The following LHFPL3 variants were observed in gnomAD, a reference collection of about 807,000 sequenced individuals.
The protein encoded by LHFPL3 is LHFPL tetraspan subfamily member 3.
Under a neutral mutation model 19.3 loss-of-function variants are expected in LHFPL3, and 5 were observed. The observed-to-expected ratio is 0.26, with a 90% CI of 0.14 to 0.54. The LOEUF is 0.54. Ranked by LOEUF, LHFPL3 falls within the 20% of genes least tolerant of loss-of-function variation. The pLI is 0.94. For synonymous variants in LHFPL3, 133 were observed against 126.2 expected, an observed-to-expected ratio of 1.05 and a Z score of -0.36; for missense variants, 249 against 307.4, an observed-to-expected ratio of 0.81 and a Z score of 1.42.
Position 104,494,782 on chromosome 7 carries a change from C to T in LHFPL3, c.445+165558C>T, listed in dbSNP as rs561821270. Among the ~76,000 whole-genome samples the T allele has an allele frequency of 1.4e-4, 21 of 152,186 alleles. No individual in the cohort carries two copies. In the South Asian group the frequency reaches 2.3e-3, roughly 17 times the overall value. On this transcript the variant is annotated intron_variant, in intron 1 of 2. Transcript: ENST00000424859. ...TCTTGGTAAATAGGAAAAGACTTGG[C>T]GACAGATAGTCCTGGCAGCTCCTCA...
At chr7:104,386,608 C>A (rs140325881) in intron 1 of LHFPL3, among the ~76,000 whole-genome samples, 120 of 152,326 alleles carry the variant, frequency 7.9e-4, no homozygotes, top group African/African-American at 2.8e-3. Flanking sequence ...AACCTTGAGT[C>A]TCTGCAAAAG....
At chr7:104,348,449 T>C (rs1283837415) in intron 1 of LHFPL3, among the ~76,000 whole-genome samples, 1 of 152,246 alleles carries the variant, frequency 6.6e-6, no homozygotes, top group African/African-American at 2.4e-5. Context: ...AACAAACTTG[T>C]TTATGTTTTA....
At chr7:104,828,819 G>C (rs959910700) in intron 2 of LHFPL3, among the ~76,000 whole-genome samples, 2 of 151,866 alleles carry the variant, frequency 1.3e-5, no homozygotes, top group African/African-American at 4.9e-5. Context: ...TGGATCACTT[G>C]AGGTCAGGAG....
At chr7:104,890,107 T>A (rs952358264) in intron 2 of LHFPL3, among the ~76,000 whole-genome samples, 2 of 152,182 alleles carry the variant, frequency 1.3e-5, no homozygotes, top group African/African-American at 4.8e-5. Context: ...GAGACCAGCC[T>A]GGCTACATAG....
chr7:104,353,174 C>A (rs1047270404), intron 1 of LHFPL3, among the ~76,000 whole-genome samples: 4 of 152,048 alleles, frequency 2.6e-5, no homozygotes, highest in African/African-American at 7.2e-5. Context: ...ACAACAACAA[C>A]AAAAAAGCCA....
At chr7:104,497,274 T>G (rs1257767177) in intron 1 of LHFPL3, among the ~76,000 whole-genome samples, 3 of 145,412 alleles carry the variant, frequency 2.1e-5, no homozygotes, top group Non-Finnish European at 3.0e-5. Context: ...AAGATTCATA[T>G]GTACTCCTGA....
At chr7:104,834,121 TGATTA>T (rs1199353558) in intron 2 of LHFPL3, among the ~76,000 whole-genome samples, 1 of 151,186 alleles carries the variant, frequency 6.6e-6, no homozygotes, top group African/African-American at 2.4e-5. Flanking sequence ...CGATGGCAAC[TGATTA>T]GATTGTGCCC....
chr7:104,899,724 C>A (rs2116725463), intron 2 of LHFPL3, among the ~76,000 whole-genome samples: 1 of 152,140 alleles, frequency 6.6e-6, no homozygotes, highest in Admixed American at 6.5e-5. Context: ...ATTAAGATCA[C>A]CCCCTAATTT....
At chr7:104,879,925 G>C (rs1792015416) in intron 2 of LHFPL3, among the ~76,000 whole-genome samples, 1 of 152,118 alleles carries the variant, frequency 6.6e-6, no homozygotes, top group Non-Finnish European at 1.5e-5. Flanking sequence ...CAGGTGTGAT[G>C]GTATGCCAGT....
intron 1 of LHFPL3, chr7:104,669,066 T>A (rs1792421213): frequency 1.2e-6 from 2 of 1,611,646 alleles, no homozygotes; most frequent in South Asian, 1.1e-5. Context: ...GGAGAGAGAG[T>A]GAGAAGTCTC....
chr7:104,629,421 G>T (rs1235497198), intron 1 of LHFPL3, among the ~76,000 whole-genome samples: 1 of 151,878 alleles, frequency 6.6e-6, no homozygotes, highest in East Asian at 1.9e-4. Context: ...TATTTACTTT[G>T]TTTCTGAGGG....
intron 2 of LHFPL3, among the ~76,000 whole-genome samples, chr7:104,791,756 G>A (rs1182356444): frequency 6.6e-6 from 1 of 152,140 alleles, no homozygotes; most frequent in Non-Finnish European, 1.5e-5. Context: ...TACATTTCCT[G>A]ATTGAAAATA....
intron 2 of LHFPL3, among the ~76,000 whole-genome samples, chr7:104,901,838 G>T (rs1381228800): frequency 6.6e-6 from 1 of 152,006 alleles, no homozygotes; most frequent in Non-Finnish European, 1.5e-5. Context: ...CGAAGTGCTG[G>T]GATTACAAGC....
chr7:104,863,756 T>C (rs1395058653), intron 2 of LHFPL3, among the ~76,000 whole-genome samples: 1 of 152,176 alleles, frequency 6.6e-6, no homozygotes, highest in Non-Finnish European at 1.5e-5. Flanking sequence ...GCTGGGCCAG[T>C]ATTTGGACCA....
Position 104,465,291 on chromosome 7 carries a change from T to C in LHFPL3, c.445+136067T>C, listed in dbSNP as rs564222135. Among the ~76,000 whole-genome samples the C allele has an allele frequency of 3.9e-5, 6 of 152,316 alleles. No individual in the cohort carries two copies. The South Asian group carries it at 1.2e-3, about 32-fold the overall frequency. On this transcript the variant is annotated intron_variant, in intron 1 of 2. Coordinates refer to ENST00000424859, the MANE Select transcript of LHFPL3 (RefSeq NM_199000.3). Reference sequence around the variant, plus strand: ...TGATCAAAGCCATTCAACAAGTCACTAGGAAGTTCCAAACTTTTCCACATC... The same window carrying C: ...TGATCAAAGCCATTCAACAAGTCACCAGGAAGTTCCAAACTTTTCCACATC...
intron 1 of LHFPL3, among the ~76,000 whole-genome samples, chr7:104,471,138 ATTTC>A (rs1405065550): frequency 6.6e-6 from 1 of 151,916 alleles, no homozygotes; most frequent in East Asian, 1.9e-4. Flanking sequence ...AAAGACAAAC[ATTTC>A]TTTCTATACG....
chr7:104,734,718 C>T (rs1016761780), intron 1 of LHFPL3, among the ~76,000 whole-genome samples: 4 of 152,164 alleles, frequency 2.6e-5, no homozygotes, highest in Non-Finnish European at 5.9e-5. Context: ...TCTCTCAACT[C>T]GTCAAAGTCA....
chr7:104,475,890 AAAC>A (rs1279622653), intron 1 of LHFPL3, among the ~76,000 whole-genome samples: 1 of 152,196 alleles, frequency 6.6e-6, no homozygotes, highest in East Asian at 1.9e-4. Context: ...AAAATTTATC[AAAC>A]GATGATTTTT....
At chr7:104,847,358 G>A (rs987236091) in intron 2 of LHFPL3, among the ~76,000 whole-genome samples, 1 of 152,210 alleles carries the variant, frequency 6.6e-6, no homozygotes, top group Non-Finnish European at 1.5e-5. Context: ...AATAAGGCAA[G>A]AATAGAAACC....
Sources: gnomAD v4.1 joint callset for allele counts (sites outside exome capture counted in the v4.1 genomes callset) on GRCh38, gnomAD v4.1.1 for gene constraint, MANE v1.5 for transcripts, NCBI Gene and HGNC (gene_info 2026-07-23, HGNC 2026-07-21) for gene names.